The following SP3 variants were observed in gnomAD, a reference collection of about 807,000 sequenced individuals.
SP3 encodes Sp3 transcription factor, also known as transcription factor Sp3.
A neutral mutation model predicts 70.3 loss-of-function variants in SP3; 10 were observed. That is an observed-to-expected ratio of 0.14 (90% CI 0.09 to 0.24). SP3 has a LOEUF of 0.24. Among genes scored for constraint, SP3 ranks in the 10% least tolerant of loss-of-function variants. The probability of loss-of-function intolerance (pLI) is 1.00; values close to 1 mark genes in which losing one functional copy is unlikely to be tolerated. For missense variants in SP3, 825 were observed against 914.6 expected (o/e 0.90, Z 1.26); for synonymous variants, 402 against 333.5 (o/e 1.21, Z -2.24).
At chr2:173,931,129 C>T (rs1690053227) in intron 4 of SP3, among the ~76,000 whole-genome samples, 1 of 152,138 alleles carries the variant, frequency 6.6e-6, no homozygotes, top group Non-Finnish European at 1.5e-5. Flanking sequence ...TTTAAAAAAA[C>T]TTTACAGCTA....
In SP3 at chr2:173,918,803, C is replaced by A. The variant is rs114722939; in HGVS notation, c.1640-18G>T. The A allele has an allele frequency of 1.6e-3, 2,463 of 1,586,112 alleles. 19 individuals are homozygous for A. The African/African-American group carries it at 0.022, about 14-fold the overall frequency. On this transcript the variant is annotated intron_variant, in intron 4 of 6. Transcript: ENST00000310015. ...CCTAATATCTAAAGGGAAAAAAAAA[C>A]CAAATACAGATGAGAAGCAACCAAA...
chr2:173,914,275 T>G lies in SP3; in HGVS notation c.1833-1009A>C, dbSNP rs1400818387. 4.1e-5 allele frequency: 6 copies of G among 147,346 alleles called. 1 individual carries two copies. Among genetic ancestry groups the G allele is most frequent in the Non-Finnish European group, 1.5e-5 (1 of 64,706 alleles). 9.1% of individuals were successfully genotyped at this position (147,346 alleles called of 1,614,324 possible). ...GTATAAACTTTACAATGTTTCTGAGTTTTTTTAAAAAAGTACATTTAGCCC... is the reference window on the plus strand; with the variant it reads ...GTATAAACTTTACAATGTTTCTGAGGTTTTTTAAAAAAGTACATTTAGCCC... On this transcript the variant is annotated intron_variant, in intron 5 of 6. Coordinates refer to ENST00000310015, the MANE Select transcript of SP3 (RefSeq NM_003111.5).
intron 4 of SP3, among the ~76,000 whole-genome samples, chr2:173,933,914 G>T (rs1690143070): frequency 6.6e-6 from 1 of 151,766 alleles, no homozygotes; most frequent in African/African-American, 2.4e-5. Context: ...CGAAATTCCT[G>T]AAGATTTAAT....
chr2:173,955,153 C>T lies in SP3; in HGVS notation c.1359G>A (p.Gln453=). 6.2e-7 allele frequency: 1 copy of T among 1,614,204 alleles called. No homozygotes were observed. The highest frequency in any genetic ancestry group is 1.1e-5 in the South Asian group (1 of 91,084). Residue 453 remains glutamine, a synonymous_variant, in exon 4 of 7, where the codon CAG becomes CAA. Coordinates refer to ENST00000310015, the MANE Select transcript of SP3 (RefSeq NM_003111.5). ...LNPGTFLIQA[Q]TVTPSGQVTW... ...TTACCTGTCCAGAAGGGGTCACTGT[C>T]TGTGCCTGAATTAAAAAGGTTCCAG... is the stretch of plus-strand genomic sequence containing the variant.
rs111576297 is a variant in SP3, at chr2:173,902,097, T to C, written c.*7844A>G. On this transcript the variant is annotated 3_prime_UTR_variant, in exon 7 of 7. Coordinates refer to ENST00000310015, the MANE Select transcript of SP3 (RefSeq NM_003111.5). Reference sequence around the variant, plus strand: ...ACCTGGGCAGGGCTTGACTGAGAGATAGAAGGTGGAACCAGTGAGAAAAAC... The same window carrying C: ...ACCTGGGCAGGGCTTGACTGAGAGACAGAAGGTGGAACCAGTGAGAAAAAC... Among the ~76,000 whole-genome samples, 22 of 152,314 alleles carry C rather than the reference T, an allele frequency of 1.4e-4. No individual in the cohort carries two copies. The highest frequency in any genetic ancestry group is 2.2e-4 in the Non-Finnish European group (15 of 68,030).
chr2:173,952,105 T>TA (rs1210044074), intron 4 of SP3, among the ~76,000 whole-genome samples: 2 of 151,874 alleles, frequency 1.3e-5, no homozygotes, highest in African/African-American at 2.4e-5. Flanking sequence ...CACTTCATTT[T>TA]TTTTTTTTTT....
At position 173,963,781 on chromosome 2, in the gene SP3, C is replaced by T; in HGVS notation, c.259G>A (p.Ala87Thr). ...CTTACCGCTCCGGCGGCGGCGGGGG[C>T]CCCGGCTGCGGCGGCCGCCTCCTCC... Reference protein sequence around the residue: ...DEEEAAAAAGAPAAAGATGDL... With the variant: ...DEEEAAAAAGTPAAAGATGDL... The change falls in exon 3 of 7, where the codon GCC becomes ACC. Residue 87 changes from alanine (A) to threonine (T), a missense_variant. Physicochemically the swap from Ala to Thr is moderately conservative, Grantham distance 58. This residue lies in a region of SP3 where 678 missense variants were observed against 651.6 expected (regional missense o/e 1.04). Coordinates refer to ENST00000310015, the MANE Select transcript of SP3 (RefSeq NM_003111.5). The T allele has an allele frequency of 7.3e-7, 1 of 1,366,556 alleles. No individual in the cohort carries two copies. The highest frequency in any genetic ancestry group is 9.6e-7 in the Non-Finnish European group (1 of 1,043,312). The allele number at this position is 1,366,556 out of a possible 1,614,324, so 84.7% of individuals were successfully genotyped here.
Position 173,956,129 on chromosome 2 carries a change from T to C in SP3, c.383A>G (p.Gln128Arg), listed in dbSNP as rs773516319. The C allele has an allele frequency of 1.9e-6, 3 of 1,614,214 alleles. No homozygotes were observed. Among genetic ancestry groups the C allele is most frequent in the South Asian group, 1.1e-5 (1 of 91,086 alleles). Residue 128 changes from glutamine to arginine, a missense_variant, in exon 4 of 7, where the codon CAG (glutamine) becomes CGG (arginine). Coordinates refer to ENST00000310015, the MANE Select transcript of SP3 (RefSeq NM_003111.5). Reference sequence around the variant, plus strand: ...ACTTGAAGTAGCAGCACTTGGAATCTGGACTAGATTACCAGCTTCATCTTT... The same window carrying C: ...ACTTGAAGTAGCAGCACTTGGAATCCGGACTAGATTACCAGCTTCATCTTT... ...TIKDEAGNLVQIPSAATSSGQ... is the reference protein window; with the variant it reads ...TIKDEAGNLVRIPSAATSSGQ...
Position 173,965,290 on chromosome 2 carries a change from G to T in SP3, c.-119C>A. 1 of 1,234,674 alleles carries T rather than the reference G, an allele frequency of 8.1e-7. No individual in the cohort carries two copies. Among genetic ancestry groups the T allele is most frequent in the Non-Finnish European group, 1.1e-6 (1 of 874,560 alleles). The allele number at this position is 1,234,674 out of a possible 1,614,324, so 76.5% of individuals were successfully genotyped here. A position where few individuals can be genotyped will look rare whatever the true frequency, so the allele number is the denominator to read the frequency against. ...CGGCGGACACGGCCGGAGCGGTCCG[G>T]GGATTTTTTTTTCCTATTTTGATTG... On this transcript the variant is annotated 5_prime_UTR_variant, in exon 1 of 7. Coordinates refer to ENST00000310015, the MANE Select transcript of SP3 (RefSeq NM_003111.5).
At chr2:173,959,177 T>A (rs2105503467) in intron 3 of SP3, among the ~76,000 whole-genome samples, 1 of 152,280 alleles carries the variant, frequency 6.6e-6, no homozygotes, top group South Asian at 2.1e-4. Flanking sequence ...AGCCTATTTA[T>A]TTCCACAATT....
intron 3 of SP3, among the ~76,000 whole-genome samples, chr2:173,958,049 T>G (rs1690949739): frequency 6.6e-6 from 1 of 152,096 alleles, no homozygotes; most frequent in Admixed American, 6.5e-5. Context: ...TATACTAAAA[T>G]CTACACTAAA....
chr2:173,925,918 C>T (rs539072629), intron 4 of SP3, among the ~76,000 whole-genome samples: 45 of 152,280 alleles, frequency 3.0e-4, no homozygotes, highest in South Asian at 2.3e-3. Flanking sequence ...TAACTGCTAT[C>T]CAATAAACAG....
At chr2:173,952,253 G>C (rs1372240681) in intron 4 of SP3, among the ~76,000 whole-genome samples, 6 of 152,146 alleles carry the variant, frequency 3.9e-5, no homozygotes, top group African/African-American at 1.2e-4. Flanking sequence ...AGGGAAAAAA[G>C]TGGTTTTTTA....
At chr2:173,937,633 G>A (rs1690243923) in intron 4 of SP3, among the ~76,000 whole-genome samples, 1 of 152,036 alleles carries the variant, frequency 6.6e-6, no homozygotes, top group African/African-American at 2.4e-5. Context: ...TTAAAAAGAA[G>A]TTTTAAAATA....
intron 5 of SP3, chr2:173,915,707 C>A (rs138395672): frequency 6.6e-6 from 1 of 152,124 alleles, no homozygotes; most frequent in Admixed American, 6.5e-5. Context: ...ATGTTTAATC[C>A]ATACAAAACC....
chr2:173,914,281 T>A (rs965396921), intron 5 of SP3: 4 of 152,170 alleles, frequency 2.6e-5, no homozygotes, highest in Admixed American at 1.3e-4. Flanking sequence ...TGAGTTTTTT[T>A]AAAAAAGTAC....
intron 3 of SP3, among the ~76,000 whole-genome samples, chr2:173,961,683 A>T (rs754750098): frequency 5.9e-5 from 9 of 152,238 alleles, no homozygotes; most frequent in African/African-American, 2.2e-4. Flanking sequence ...TTATTTAAAA[A>T]CACAGCTATA....
intron 2 of SP3, chr2:173,964,097 T>TCCGCGGGCAGGCGGGCGGCGGG (rs1691185154): frequency 2.9e-6 from 1 of 348,738 alleles, no homozygotes; most frequent in African/African-American, 2.2e-5. Flanking sequence ...GGCTCCCCGG[T>TCCGCGGGCAGGCGGGCGGCGGG]CCGCGGGCAG....
intron 4 of SP3, among the ~76,000 whole-genome samples, chr2:173,920,131 T>A (rs1689711340): frequency 6.6e-6 from 1 of 152,054 alleles, no homozygotes; most frequent in South Asian, 2.1e-4. Context: ...GGGAATGGGA[T>A]CGTGTATGAT....
Sources: gnomAD v4.1 joint callset for allele counts (sites outside exome capture counted in the v4.1 genomes callset) on GRCh38, gnomAD v4.1.1 for gene constraint, gnomAD v4.1.1 regional missense constraint, MANE v1.5 for transcripts, NCBI Gene and HGNC (gene_info 2026-07-23, HGNC 2026-07-21) for gene names.